The following PCDHA6 variants were observed in gnomAD, a reference collection of about 807,000 sequenced individuals.
PCDHA6 encodes the protein protocadherin alpha-6.
A neutral mutation model predicts 60.3 loss-of-function variants in PCDHA6; 55 were observed. The observed-to-expected ratio is 0.91, with a 90% confidence interval of 0.73 to 1.14. The LOEUF is 1.14. PCDHA6 is among the 50% of genes most tolerant of loss of function. The pLI, the probability that PCDHA6 is intolerant of heterozygous loss-of-function variation, is 0.00. For synonymous variants in PCDHA6, 652 were observed against 557.9 expected (o/e 1.17, Z -2.38); for missense variants, 1,327 against 1,256.5 (o/e 1.06, Z -0.85).
At chr5:140,968,598 A>G in intron 1 of PCDHA6, 2 of 1,614,102 alleles carry the variant, frequency 1.2e-6, no homozygotes, top group Non-Finnish European at 1.7e-6. Flanking sequence ...ATAGCTATGG[A>G]CTCAGACTCT....
intron 1 of PCDHA6, among the ~76,000 whole-genome samples, chr5:140,936,603 C>T (rs552102837): frequency 2.0e-5 from 3 of 152,324 alleles, no homozygotes; most frequent in Admixed American, 6.5e-5. Context: ...CTACTTTCCT[C>T]GCTGCTACTG....
intron 1 of PCDHA6, 151 bp downstream of exon 1, chr5:140,830,636 T>G (rs2150188320): frequency 2.0e-6 from 1 of 504,942 alleles, no homozygotes; most frequent in Non-Finnish European, 3.1e-6. Flanking sequence ...TTTTAATCTC[T>G]TTGCTTCTTT....
intron 1 of PCDHA6, chr5:140,855,929 A>T (rs914508327): frequency 1.6e-6 from 2 of 1,278,216 alleles, no homozygotes; most frequent in Non-Finnish European, 2.2e-6. Context: ...AAGTAGCGTC[A>T]TTCTGAGATC....
At position 140,858,002 on chromosome 5, in the gene PCDHA6, G is replaced by A. The variant is rs782820218; in HGVS notation, c.2394+27517G>A. On this transcript the variant is annotated intron_variant, in intron 1 of 3. Transcript: ENST00000529310. The stretch of plus-strand genomic sequence containing the variant: ...CCAGCGCCTACTGGTGCTGGTGAAG[G>A]ACCATGGCGAGCCGTCGCTGACGGC... 1.9e-6 allele frequency: 3 copies of A among 1,596,800 alleles called. No homozygotes were observed. The Admixed American group carries it at 5.1e-5, about 27-fold the overall frequency.
intron 1 of PCDHA6, among the ~76,000 whole-genome samples, chr5:140,845,445 T>A (rs1779878937): frequency 6.7e-6 from 1 of 149,700 alleles, no homozygotes; most frequent in Non-Finnish European, 1.5e-5. Context: ...GTTCTGTTTT[T>A]CTTCAACTCT....
chr5:141,010,052 A>G lies in PCDHA6; in HGVS notation c.*115A>G. The stretch of plus-strand genomic sequence containing the variant: ...CTACATGAGCCCTCTTAGAGACCTC[A>G]GAAATCTGCAGAAAGTTCCCTGTGT... On this transcript the variant is annotated 3_prime_UTR_variant, in exon 4 of 4. Coordinates refer to ENST00000529310, the MANE Select transcript of PCDHA6 (RefSeq NM_018909.4). The G allele has an allele frequency of 1.3e-6, 2 of 1,598,970 alleles. No homozygotes were observed. Among genetic ancestry groups the G allele is most frequent in the Non-Finnish European group, 1.7e-6 (2 of 1,172,814 alleles).
intron 1 of PCDHA6, chr5:140,848,709 G>T: frequency 6.3e-7 from 1 of 1,592,420 alleles, no homozygotes; most frequent in African/African-American, 1.3e-5. Context: ...CAAAGGCCGC[G>T]GGGACCTTCT....
At chr5:140,936,449 C>A (rs1245206418) in intron 1 of PCDHA6, among the ~76,000 whole-genome samples, 1 of 152,174 alleles carries the variant, frequency 6.6e-6, no homozygotes, top group African/African-American at 2.4e-5. Context: ...ATAACCACAT[C>A]TGTTTAGTGG....
intron 3 of PCDHA6, among the ~76,000 whole-genome samples, chr5:141,000,387 CTCTCTCTCTATA>C (rs1217065500): frequency 3.9e-4 from 26 of 66,870 alleles, no homozygotes; most frequent in African/African-American, 1.1e-3. Context: ...CTCTCTCTCT[CTCTCTCTCTATA>C]TATATATATA....
Position 140,896,173 on chromosome 5 carries a change from TTGCTATTGTGAATAG to T in PCDHA6, c.2394+65692_2394+65706del, listed in dbSNP as rs1554186855. On this transcript the variant is annotated intron_variant, in intron 1 of 3. Transcript: ENST00000529310. ...GGGCATTTAGGATTATTCTCTGTCT[TTGCTATTGTGAATAG>T]TGCCATGATGAACATACACATACAT... 2.6e-4 allele frequency among the ~76,000 whole-genome samples: 40 copies of T among 152,340 alleles called. 1 individual carries two copies. The East Asian group carries it at 5.2e-3, about 20-fold the overall frequency.
At chr5:140,843,439 G>A (rs2150360020) in intron 1 of PCDHA6, 5 of 1,596,092 alleles carry the variant, frequency 3.1e-6, no homozygotes, top group South Asian at 1.1e-5. Context: ...CCATCTGCGC[G>A]GTATCCAGCC....
At chr5:140,849,956 C>A in intron 1 of PCDHA6, 1 of 1,597,918 alleles carries the variant, frequency 6.3e-7, no homozygotes, top group African/African-American at 1.3e-5. Flanking sequence ...CGCAGGAGAA[C>A]GCCCTGGTGT....
At chr5:140,906,736 A>G (rs1554192686) in intron 1 of PCDHA6, among the ~76,000 whole-genome samples, 1 of 152,132 alleles carries the variant, frequency 6.6e-6, no homozygotes, top group Admixed American at 6.5e-5. Context: ...GTAGTTTCCC[A>G]TTGACACAGG....
At chr5:140,922,888 C>A (rs1584282377) in intron 1 of PCDHA6, among the ~76,000 whole-genome samples, 1 of 152,236 alleles carries the variant, frequency 6.6e-6, no homozygotes, top group South Asian at 2.1e-4. Flanking sequence ...AGACATCATT[C>A]AAGAAAAAAT....
At chr5:140,850,396 C>T (rs2150482265) in intron 1 of PCDHA6, 1 of 1,597,978 alleles carries the variant, frequency 6.3e-7, no homozygotes, top group Non-Finnish European at 8.6e-7. Flanking sequence ...ATCAGCACAA[C>T]GCGTGCCCTG....
intron 3 of PCDHA6, among the ~76,000 whole-genome samples, chr5:141,002,792 A>G (rs576285489): frequency 6.6e-6 from 1 of 152,306 alleles, no homozygotes; most frequent in South Asian, 2.1e-4. Context: ...CATTTTATGG[A>G]TGAGGAAACT....
Position 140,828,897 on chromosome 5 carries a change from G to T in PCDHA6, c.806G>T (p.Arg269Leu), listed in dbSNP as rs2150160377. ...TTVIRLNASD[R>L]DEGANGAISY... ...GTTATCAGACTGAATGCTTCTGATC[G>T]GGATGAAGGAGCGAATGGGGCAATT... Residue 269 changes from arginine (R) to leucine (L), a missense_variant, in exon 1 of 4, where the codon CGG becomes CTG. Coordinates refer to ENST00000529310, the MANE Select transcript of PCDHA6 (RefSeq NM_018909.4). 1.5e-5 allele frequency: 25 copies of T among 1,614,052 alleles called. No homozygotes were observed. In the African/African-American group the frequency reaches 3.1e-4, roughly 20 times the overall value.
intron 1 of PCDHA6, chr5:140,876,882 G>C: frequency 1.2e-6 from 2 of 1,614,140 alleles, no homozygotes; most frequent in Non-Finnish European, 1.7e-6. Context: ...ACAACCCGCC[G>C]GGCTGCCACA....
intron 1 of PCDHA6, among the ~76,000 whole-genome samples, chr5:140,941,255 C>CTTTCTTTCTTTCTT (rs782490896): frequency 4.1e-3 from 183 of 44,496 alleles, no homozygotes; most frequent in African/African-American, 4.7e-3. Context: ...TTCTTTCTTT[C>CTTTCTTTCTTTCTT]TCTTTCTTTC....
Sources: gnomAD v4.1 joint callset for allele counts (sites outside exome capture counted in the v4.1 genomes callset) on GRCh38, gnomAD v4.1.1 for gene constraint, MANE v1.5 for transcripts, NCBI Gene and HGNC (gene_info 2026-07-23, HGNC 2026-07-21) for gene names.